FRMD3: variants seen among roughly 807,000 people sequenced by gnomAD.
The protein encoded by FRMD3 is FERM domain containing 3.
FRMD3 carries 33 observed loss-of-function variants against 70.2 expected under a neutral mutation model. The ratio of observed to expected loss-of-function variants is 0.47; its 90% CI spans 0.36 to 0.63. FRMD3 has a LOEUF of 0.63. Ranked by LOEUF, FRMD3 falls within the 20% of genes least tolerant of loss-of-function variation. FRMD3 has a pLI of 0.00. For synonymous variants in FRMD3, 279 were observed against 255.9 expected, an observed-to-expected ratio of 1.09 and a Z score of -0.86; for missense variants, 632 against 711.4, an observed-to-expected ratio of 0.89 and a Z score of 1.27.
chr9:83,535,925 G>A (rs1018732599), intron 1 of FRMD3, among the ~76,000 whole-genome samples: 81 of 152,212 alleles, frequency 5.3e-4, no homozygotes, highest in East Asian at 2.1e-3. Context: ...GTTTTGTTTC[G>A]CATTGTTTTT....
chr9:83,378,383 T>C (rs1186773007), intron 2 of FRMD3, among the ~76,000 whole-genome samples: 1 of 146,720 alleles, frequency 6.8e-6, no homozygotes, highest in Non-Finnish European at 1.5e-5. Context: ...GTTCAAGCAA[T>C]TCTCCCGCCT....
downstream of FRMD3, among the ~76,000 whole-genome samples, chr9:83,243,517 A>G (rs978477265): frequency 2.0e-5 from 3 of 152,176 alleles, no homozygotes; most frequent in African/African-American, 7.2e-5. Context: ...CAGGAGTTCA[A>G]TGAACTGCTC....
chr9:83,265,584 T>G (rs1243642165), intron 13 of FRMD3, among the ~76,000 whole-genome samples: 2 of 152,088 alleles, frequency 1.3e-5, no homozygotes, highest in African/African-American at 2.4e-5. Context: ...ATGTACTAAG[T>G]AAACAAATAG....
intron 1 of FRMD3, among the ~76,000 whole-genome samples, chr9:83,487,257 C>T (rs998989757): frequency 6.6e-6 from 1 of 152,278 alleles, no homozygotes; most frequent in East Asian, 1.9e-4. Flanking sequence ...TGAAAAGCCA[C>T]CTTCCAAAGT....
At chr9:83,244,180 C>CAGAT (rs1009713174), downstream of FRMD3, among the ~76,000 whole-genome samples, 7 of 151,582 alleles carry the variant, frequency 4.6e-5, no homozygotes, top group East Asian at 1.9e-4. Flanking sequence ...GGTGCGTGAA[C>CAGAT]AGATAGAGAA....
intron 1 of FRMD3, among the ~76,000 whole-genome samples, chr9:83,409,288 C>G (rs981039696): frequency 1.3e-5 from 2 of 152,140 alleles, no homozygotes; most frequent in Non-Finnish European, 2.9e-5. Flanking sequence ...TGTTACTGTT[C>G]AAAAATGGGA....
intron 2 of FRMD3, among the ~76,000 whole-genome samples, chr9:83,378,254 C>CTTTTT (rs1181178760): frequency 7.6e-6 from 1 of 132,092 alleles, no homozygotes; most frequent in Non-Finnish European, 1.6e-5. Context: ...CTGTGTCCTT[C>CTTTTT]TTTTTTGTTT....
intron 13 of FRMD3, among the ~76,000 whole-genome samples, chr9:83,282,919 G>T (rs1834024688): frequency 6.6e-6 from 1 of 152,108 alleles, no homozygotes; most frequent in Admixed American, 6.5e-5. Flanking sequence ...TTTGCATCAG[G>T]AACAAGGCAT....
intron 10 of FRMD3, 134 bp downstream of exon 10, chr9:83,309,402 C>T (rs1004486609): frequency 6.6e-5 from 39 of 592,606 alleles, no homozygotes; most frequent in Non-Finnish European, 9.8e-5. Flanking sequence ...CTGAACAATG[C>T]ACAAAATTTT....
chr9:83,316,157 TTTTC>T lies in FRMD3; in HGVS notation c.597-2414_597-2411del, dbSNP rs1331978362. Among the ~76,000 whole-genome samples the T allele has an allele frequency of 6.6e-4, 84 of 127,964 alleles. 1 individual carries two copies. The highest frequency in any genetic ancestry group is 2.8e-3 in the African/African-American group (81 of 28,450). The allele number at this position is 127,964 out of a possible 152,430, so 83.9% of individuals were successfully genotyped here. A position where few individuals can be genotyped will look rare whatever the true frequency, so the allele number is the denominator to read the frequency against. On this transcript the variant is annotated intron_variant, in intron 6 of 13. Coordinates refer to ENST00000304195, the MANE Select transcript of FRMD3 (RefSeq NM_174938.6). ...CCTTATTCTTTTTTCTCTTTTTTTTTTTTCTTTTTTTTTTTTTTTGAGACAGAGT... is the reference window on the plus strand; with the variant it reads ...CCTTATTCTTTTTTCTCTTTTTTTTTTTTTTTTTTTTTTTTGAGACAGAGT...
chr9:83,534,150 T>C (rs1829844600), intron 1 of FRMD3, among the ~76,000 whole-genome samples: 1 of 152,210 alleles, frequency 6.6e-6, no homozygotes, highest in Non-Finnish European at 1.5e-5. Context: ...CAGTAACTCC[T>C]TCCCTTCCCC....
In FRMD3 at chr9:83,351,718, T is replaced by C. The variant is rs557530413; in HGVS notation, c.296-1961A>G. ...ATAGATAGATAGATAGATAGATAGATAGATAGATAGATAGACATGCCATCC... is the reference window on the plus strand; with the variant it reads ...ATAGATAGATAGATAGATAGATAGACAGATAGATAGATAGACATGCCATCC... On this transcript the variant is annotated intron_variant, in intron 3 of 13. Coordinates refer to ENST00000304195, the MANE Select transcript of FRMD3 (RefSeq NM_174938.6). Among the ~76,000 whole-genome samples the C allele has an allele frequency of 2.4e-3, 361 of 151,966 alleles. 12 individuals carry two copies. In the South Asian group the frequency reaches 0.073, roughly 31 times the overall value.
intron 4 of FRMD3, among the ~76,000 whole-genome samples, chr9:83,348,730 A>C (rs1297861129): frequency 6.6e-6 from 1 of 151,904 alleles, no homozygotes; most frequent in Non-Finnish European, 1.5e-5. Context: ...ACACACACAC[A>C]CCCTCTCTCC....
chr9:83,418,590 C>T (rs149342963), intron 1 of FRMD3, among the ~76,000 whole-genome samples: 2 of 152,262 alleles, frequency 1.3e-5, no homozygotes, highest in African/African-American at 4.8e-5. Context: ...CACTACCTTA[C>T]TCCTGCAAGA....
At chr9:83,496,707 G>A (rs900878458) in intron 1 of FRMD3, among the ~76,000 whole-genome samples, 2 of 152,164 alleles carry the variant, frequency 1.3e-5, no homozygotes, top group Non-Finnish European at 2.9e-5. Context: ...GTTTCTCCAT[G>A]TTTGCCACTT....
At chr9:83,284,825 G>A (rs535378328) in intron 13 of FRMD3, among the ~76,000 whole-genome samples, 36 of 152,278 alleles carry the variant, frequency 2.4e-4, no homozygotes, top group African/African-American at 7.9e-4. Context: ...CAGGCAGGGA[G>A]GAAGACCAAA....
At position 83,244,825 on chromosome 9, in the gene FRMD3, C is replaced by A; in HGVS notation, c.*3093G>T. On this transcript the variant is annotated 3_prime_UTR_variant, in exon 14 of 14. Transcript: ENST00000304195. ...GTTGTGTTTATAAATATTAGACAAACCACAAAATATATTCCAAATACATAA... is the reference window on the plus strand; with the variant it reads ...GTTGTGTTTATAAATATTAGACAAAACACAAAATATATTCCAAATACATAA... 1.0e-6 allele frequency: 1 copy of A among 984,738 alleles called. No homozygotes were observed. Among genetic ancestry groups the A allele is most frequent in the Non-Finnish European group, 1.2e-6 (1 of 829,404 alleles). The allele number at this position is 984,738 out of a possible 1,614,324, so 61.0% of individuals were successfully genotyped here.
rs188355040 is a variant in FRMD3, at chr9:83,514,313, G to A, written c.147+23772C>T. On this transcript the variant is annotated intron_variant, in intron 1 of 13. Coordinates refer to ENST00000304195, the MANE Select transcript of FRMD3 (RefSeq NM_174938.6). ...CACCATTACTGAGGCTTGACTAGGCGGTTTTCCCCTCACAGTGTAAACAAA... is the reference window on the plus strand; with the variant it reads ...CACCATTACTGAGGCTTGACTAGGCAGTTTTCCCCTCACAGTGTAAACAAA... 3.5e-3 allele frequency among the ~76,000 whole-genome samples: 537 copies of A among 152,214 alleles called. 4 individuals carry two copies. The highest frequency in any genetic ancestry group is 0.012 in the African/African-American group (507 of 41,536).
intron 1 of FRMD3, among the ~76,000 whole-genome samples, chr9:83,395,707 T>C (rs906940708): frequency 2.0e-5 from 3 of 152,092 alleles, no homozygotes; most frequent in African/African-American, 7.2e-5. Flanking sequence ...AACAATAAAT[T>C]TGTGCTTAAA....
Sources: allele counts gnomAD v4.1 joint callset (sites outside exome capture counted in the v4.1 genomes callset), GRCh38; gene constraint gnomAD v4.1.1; transcripts MANE v1.5; gene names NCBI Gene and HGNC (gene_info 2026-07-23, HGNC 2026-07-21).